C17orf99: variants seen among roughly 807,000 people sequenced by gnomAD.
C17orf99 encodes protein IL-40.
In C17orf99, 18 loss-of-function variants were observed where a neutral mutation model predicts 22.6. That is an observed-to-expected ratio of 0.80 (90% CI 0.55 to 1.18). The LOEUF is 1.18. Ranked by LOEUF, C17orf99 falls within the 50% of genes most tolerant of loss-of-function variation. C17orf99 has a pLI of 0.00. For missense variants in C17orf99, 328 were observed against 342.7 expected, an observed-to-expected ratio of 0.96 and a Z score of 0.34; for synonymous variants, 147 against 136.6, an observed-to-expected ratio of 1.08 and a Z score of -0.53.
Position 78,146,655 on chromosome 17 carries a change from G to A in C17orf99, c.37+211G>A, listed in dbSNP as rs562365461. On this transcript the variant is annotated intron_variant, in intron 1 of 4. Transcript: ENST00000340363. This position sits in a 1 kb window ranked among gnomAD's most constrained non-coding sequence, Gnocchi z 5.2. ...TCCAGGGATTTCTGCACCATTCTGGGCTCACTACTTACCCATCTGCGAAAT... is the reference window on the plus strand; with the variant it reads ...TCCAGGGATTTCTGCACCATTCTGGACTCACTACTTACCCATCTGCGAAAT... 3.1e-3 allele frequency among the ~76,000 whole-genome samples: 470 copies of A among 152,180 alleles called. 2 individuals carry two copies. Among genetic ancestry groups the A allele is most frequent in the African/African-American group, 0.011 (447 of 41,510 alleles).
intron 2 of C17orf99, among the ~76,000 whole-genome samples, chr17:78,160,534 T>TA (rs372825479): frequency 0.36 from 49,265 of 135,090 alleles, 9,347 homozygotes; most frequent in Middle Eastern, 0.47. Flanking sequence ...AGACTCCATC[T>TA]AAAAAAAAAA....
At chr17:78,160,260 G>A (rs370706046) in intron 2 of C17orf99, among the ~76,000 whole-genome samples, 7 of 152,166 alleles carry the variant, frequency 4.6e-5, no homozygotes, top group East Asian at 3.9e-4. Flanking sequence ...AATTGCAGCC[G>A]GGCGCGGTGG....
chr17:78,158,398 C>T (rs909982937), intron 2 of C17orf99, among the ~76,000 whole-genome samples: 1 of 152,122 alleles, frequency 6.6e-6, no homozygotes, highest in African/African-American at 2.4e-5. Context: ...GGGCTCATGC[C>T]ATTCTCCTGC....
intron 2 of C17orf99, among the ~76,000 whole-genome samples, chr17:78,156,214 C>T (rs2075523748): frequency 6.6e-6 from 1 of 150,710 alleles, no homozygotes; most frequent in Non-Finnish European, 1.5e-5. Context: ...CCTGTAGTCC[C>T]AGCTACTTGG....
intron 2 of C17orf99, among the ~76,000 whole-genome samples, chr17:78,154,605 G>GA (rs942246240): frequency 2.0e-5 from 3 of 151,872 alleles, no homozygotes; most frequent in Admixed American, 6.6e-5. Context: ...CACTTTGGGG[G>GA]GCTGAGGCAG....
At chr17:78,162,888 C>T (rs1379089854) in intron 3 of C17orf99, among the ~76,000 whole-genome samples, 3 of 152,196 alleles carry the variant, frequency 2.0e-5, no homozygotes, top group Non-Finnish European at 4.4e-5. Context: ...CAGATTCAAG[C>T]GATTCTCCTG....
At position 78,146,716 on chromosome 17, in the gene C17orf99, G is replaced by T; in HGVS notation, c.38-163G>T. ...GAGGCGATGTTGTGGGGGGAGGGGC[G>T]CAAAAGAGCTTTTGTGAGTGATGGT... On this transcript the variant is annotated intron_variant, in intron 1 of 4. Coordinates refer to ENST00000340363, the MANE Select transcript of C17orf99 (RefSeq NM_001163075.2). This position sits in a 1 kb window ranked among gnomAD's most constrained non-coding sequence, Gnocchi z 5.2. 1 of 705,254 alleles carries T rather than the reference G, an allele frequency of 1.4e-6. No individual in the cohort carries two copies. Among genetic ancestry groups the T allele is most frequent in the Non-Finnish European group, 2.4e-6 (1 of 409,960 alleles). 43.7% of individuals were successfully genotyped at this position (705,254 alleles called of 1,614,324 possible). A position where few individuals can be genotyped will look rare whatever the true frequency, so the allele number is the denominator to read the frequency against.
chr17:78,158,084 C>A, intron 2 of C17orf99: 1 of 1,020,530 alleles, frequency 9.8e-7, no homozygotes, highest in Non-Finnish European at 1.5e-6. Context: ...GGACTTTCGT[C>A]TGCATGAGGG....
intron 2 of C17orf99, among the ~76,000 whole-genome samples, chr17:78,160,407 G>A (rs1338380417): frequency 4.0e-5 from 6 of 151,878 alleles, no homozygotes; most frequent in East Asian, 2.0e-4. Flanking sequence ...GTGGTGGCAC[G>A]CGCCTGCAGT....
chr17:78,158,200 C>T, intron 2 of C17orf99: 1 of 697,494 alleles, frequency 1.4e-6, no homozygotes, highest in South Asian at 1.4e-5. Flanking sequence ...TCAAGGCTCC[C>T]AGGGTGGCGG....
intron 2 of C17orf99, among the ~76,000 whole-genome samples, chr17:78,151,240 C>T (rs1250051110): frequency 4.6e-5 from 7 of 151,798 alleles, no homozygotes; most frequent in African/African-American, 1.7e-4. Context: ...GCCTGGCCAA[C>T]ATGCGGAAAC....
At chr17:78,150,359 G>A (rs1437432947) in intron 2 of C17orf99, among the ~76,000 whole-genome samples, 2 of 152,074 alleles carry the variant, frequency 1.3e-5, no homozygotes, top group Non-Finnish European at 2.9e-5. Context: ...TGCCCAGCTG[G>A]TCTTGAACTC....
intron 2 of C17orf99, among the ~76,000 whole-genome samples, chr17:78,153,316 T>A (rs543943995): frequency 5.9e-4 from 89 of 151,938 alleles, no homozygotes; most frequent in South Asian, 2.7e-3. Context: ...AAACCCCAGC[T>A]CTACTAAAAA....
At chr17:78,162,135 G>A (rs1000830242) in intron 3 of C17orf99, among the ~76,000 whole-genome samples, 6 of 152,174 alleles carry the variant, frequency 3.9e-5, no homozygotes, top group Middle Eastern at 3.4e-3. Flanking sequence ...AATTAGCTGG[G>A]TGTGGTGGTG....
chr17:78,164,600 T>C (rs561323296), intron 4 of C17orf99: 2 of 1,521,734 alleles, frequency 1.3e-6, no homozygotes, highest in African/African-American at 1.4e-5. Flanking sequence ...TCGTGCTGGT[T>C]GGCAGCCTTG....
At chr17:78,162,441 G>T (rs1175485938) in intron 3 of C17orf99, among the ~76,000 whole-genome samples, 1 of 151,816 alleles carries the variant, frequency 6.6e-6, no homozygotes, top group Non-Finnish European at 1.5e-5. Flanking sequence ...TGGGAACCAG[G>T]AAGTGTTGCC....
intron 2 of C17orf99, among the ~76,000 whole-genome samples, chr17:78,150,846 G>A (rs913560176): frequency 2.0e-5 from 3 of 152,164 alleles, no homozygotes; most frequent in South Asian, 2.1e-4. Context: ...AGAGGAGGCC[G>A]GACACAGTGG....
chr17:78,161,067 C>T lies in C17orf99; in HGVS notation c.183C>T (p.Ser61=). The change falls in exon 3 of 5, where the codon TCC becomes TCT. Residue 61 remains serine (S), a synonymous_variant. Coordinates refer to ENST00000340363, the MANE Select transcript of C17orf99 (RefSeq NM_001163075.2). ...AGCCACCACCGCCCATCACCTATTC[C>T]CTCTGTGGAACCAAGAACATCAAGG... ...APQPPPPITY[S]LCGTKNIKVA... is the part of the protein sequence containing the mutation. 1 of 1,551,788 alleles carries T rather than the reference C, an allele frequency of 6.4e-7. No homozygotes were observed. Among genetic ancestry groups the T allele is most frequent in the Non-Finnish European group, 8.7e-7 (1 of 1,147,002 alleles).
intron 2 of C17orf99, chr17:78,157,266 G>A (rs1428553888): frequency 6.8e-6 from 2 of 295,796 alleles, no homozygotes; most frequent in Non-Finnish European, 1.3e-5. Flanking sequence ...GAGTTCAAGA[G>A]CAGCCTGGCC....
Sources: allele counts gnomAD v4.1 joint callset (sites outside exome capture counted in the v4.1 genomes callset), GRCh38; gene constraint gnomAD v4.1.1; non-coding constraint Gnocchi (gnomAD v3.1); transcripts MANE v1.5; gene names NCBI Gene and HGNC (gene_info 2026-07-23, HGNC 2026-07-21).